LRRC4C: variants seen among roughly 807,000 people sequenced by gnomAD.
LRRC4C encodes the protein leucine rich repeat containing 4C, also known as leucine-rich repeat-containing protein 4C.
Under a neutral mutation model 33.6 loss-of-function variants are expected in LRRC4C, and 5 were observed. The observed-to-expected ratio is 0.15, with a 90% CI of 0.08 to 0.31. LRRC4C has a LOEUF of 0.31. Ranked by LOEUF, LRRC4C falls within the 10% of genes least tolerant of loss-of-function variation. The pLI, the probability that LRRC4C is intolerant of heterozygous loss-of-function variation, is 1.00. For synonymous variants in LRRC4C, 329 were observed against 302.0 expected, an observed-to-expected ratio of 1.09 and a Z score of -0.93; for missense variants, 560 against 796.7, an observed-to-expected ratio of 0.70 and a Z score of 3.58.
intron 1 of LRRC4C, among the ~76,000 whole-genome samples, chr11:41,291,308 A>C (rs781115829): frequency 1.3e-5 from 2 of 152,120 alleles, no homozygotes; most frequent in Non-Finnish European, 2.9e-5. Context: ...ACTCAGGGGT[A>C]ATAAATAAAA....
intron 3 of LRRC4C, among the ~76,000 whole-genome samples, chr11:40,602,081 G>T (rs1960062906): frequency 6.6e-6 from 1 of 151,468 alleles, no homozygotes; most frequent in Admixed American, 6.6e-5. Context: ...TCTAATCCCA[G>T]CTACTTGGGC....
At chr11:40,869,689 C>A (rs1954538667) in intron 2 of LRRC4C, among the ~76,000 whole-genome samples, 1 of 152,110 alleles carries the variant, frequency 6.6e-6, no homozygotes. Flanking sequence ...CAGGCCACTG[C>A]ACATGTGGAC....
chr11:41,267,164 T>C (rs1297493022), intron 1 of LRRC4C, among the ~76,000 whole-genome samples: 1 of 152,114 alleles, frequency 6.6e-6, no homozygotes, highest in Admixed American at 6.6e-5. Flanking sequence ...GTGAAAACCT[T>C]GTGCTAAAAT....
At chr11:40,557,664 C>T (rs1957383281) in intron 3 of LRRC4C, among the ~76,000 whole-genome samples, 2 of 149,744 alleles carry the variant, frequency 1.3e-5, no homozygotes. Context: ...GACATTTTTA[C>T]ACTGTCTATA....
intron 1 of LRRC4C, among the ~76,000 whole-genome samples, chr11:41,266,709 A>G (rs1233657783): frequency 2.0e-5 from 3 of 152,264 alleles, no homozygotes; most frequent in African/African-American, 4.8e-5. Flanking sequence ...AAGCTCTTGC[A>G]TTAAGCCCCA....
At chr11:40,467,695 C>T (rs545573769) in intron 3 of LRRC4C, among the ~76,000 whole-genome samples, 1 of 152,090 alleles carries the variant, frequency 6.6e-6, no homozygotes, top group African/African-American at 2.4e-5. Flanking sequence ...ACTGACACAG[C>T]AAGACATTTG....
chr11:40,511,515 T>C (rs2135140127), intron 3 of LRRC4C, among the ~76,000 whole-genome samples: 1 of 152,288 alleles, frequency 6.6e-6, no homozygotes, highest in Admixed American at 6.5e-5. Context: ...TGGGAGATTT[T>C]CCACATTTCT....
At chr11:40,949,685 C>T (rs1302171366) in intron 1 of LRRC4C, among the ~76,000 whole-genome samples, 13 of 150,264 alleles carry the variant, frequency 8.7e-5, no homozygotes, top group South Asian at 6.5e-4. Flanking sequence ...TTGTCACCAC[C>T]AGGCCTGCCC....
rs191970703 is a variant in LRRC4C at position 40,645,819 on chromosome 11, T to A, written c.-270+2323A>T. ...TACAGCCCCAGCTGGCAGCCTCTCC[T>A]TAAAGGAAAGGTTCTTAGCTCTGTG... On this transcript the variant is annotated intron_variant, in intron 3 of 6. Transcript: ENST00000528697. Among the ~76,000 whole-genome samples, 111 of 152,284 alleles carry A rather than the reference T, an allele frequency of 7.3e-4. 2 individuals carry two copies. Among genetic ancestry groups the A allele is most frequent in the Admixed American group, 7.1e-3 (109 of 15,300 alleles).
intron 3 of LRRC4C, among the ~76,000 whole-genome samples, chr11:40,493,893 A>C (rs1352542967): frequency 6.6e-6 from 1 of 152,050 alleles, no homozygotes; most frequent in Non-Finnish European, 1.5e-5. Flanking sequence ...CCTACTCTAA[A>C]TCTTGGGAGG....
chr11:40,369,732 A>G (rs1052990286), intron 3 of LRRC4C, among the ~76,000 whole-genome samples: 4 of 152,228 alleles, frequency 2.6e-5, no homozygotes, highest in Non-Finnish European at 5.9e-5. Context: ...TGAAACATGT[A>G]TACATTGTGG....
chr11:40,943,276 C>T (rs1958241127), intron 1 of LRRC4C, among the ~76,000 whole-genome samples: 2 of 152,172 alleles, frequency 1.3e-5, no homozygotes, highest in African/African-American at 4.8e-5. Context: ...TATTTCCCCT[C>T]ACACCTTAGT....
chr11:41,181,663 A>C (rs1292168490), intron 1 of LRRC4C, among the ~76,000 whole-genome samples: 1 of 152,188 alleles, frequency 6.6e-6, no homozygotes, highest in African/African-American at 2.4e-5. Context: ...AAAGAGACTC[A>C]ATTCTTAATA....
chr11:40,159,064 G>A lies in LRRC4C; in HGVS notation c.-95-18211C>T, dbSNP rs60706106. Among the ~76,000 whole-genome samples the A allele has an allele frequency of 3.9e-3, 595 of 152,210 alleles. 6 individuals are homozygous for A. The highest frequency in any genetic ancestry group is 0.012 in the African/African-American group (510 of 41,540). ...ATGGATTGTAATTATACTACACTGCGAAAAAGCAAAGTGCACATTTCTACG... is the reference window on the plus strand; with the variant it reads ...ATGGATTGTAATTATACTACACTGCAAAAAAGCAAAGTGCACATTTCTACG... On this transcript the variant is annotated intron_variant, in intron 5 of 6. Transcript: ENST00000528697.
chr11:40,322,896 G>T (rs1251284068), intron 3 of LRRC4C, among the ~76,000 whole-genome samples: 1 of 152,060 alleles, frequency 6.6e-6, no homozygotes, highest in Non-Finnish European at 1.5e-5. Flanking sequence ...TAATAAAATG[G>T]AATATCTTCT....
At chr11:40,125,323 C>T (rs1022925169) in intron 6 of LRRC4C, among the ~76,000 whole-genome samples, 2 of 151,742 alleles carry the variant, frequency 1.3e-5, no homozygotes, top group Non-Finnish European at 2.9e-5. Context: ...CATCTTGTGG[C>T]CAAGAGGGGA....
intron 1 of LRRC4C, among the ~76,000 whole-genome samples, chr11:41,082,781 C>CT (rs1296800972): frequency 6.6e-6 from 1 of 152,024 alleles, no homozygotes; most frequent in African/African-American, 2.4e-5. Flanking sequence ...ATGATTTCTT[C>CT]TTGTTTTTTC....
intron 2 of LRRC4C, among the ~76,000 whole-genome samples, chr11:40,904,848 C>A (rs771982816): frequency 1.3e-5 from 2 of 152,148 alleles, no homozygotes; most frequent in Non-Finnish European, 2.9e-5. Flanking sequence ...GTGCGGAACA[C>A]ACTTTCATCA....
intron 1 of LRRC4C, among the ~76,000 whole-genome samples, chr11:41,267,641 A>AT (rs955398159): frequency 1.7e-4 from 26 of 151,960 alleles, no homozygotes; most frequent in Non-Finnish European, 3.1e-4. Flanking sequence ...CACTGTGCCA[A>AT]TTTTTTTTGG....
Sources: allele counts gnomAD v4.1 joint callset (sites outside exome capture counted in the v4.1 genomes callset), GRCh38; gene constraint gnomAD v4.1.1; transcripts MANE v1.5; gene names NCBI Gene and HGNC (gene_info 2026-07-23, HGNC 2026-07-21).